Variants in KAZN observed in about 807,000 individuals in gnomAD.
KAZN encodes kazrin.
A neutral mutation model predicts 87.4 loss-of-function variants in KAZN; 40 were observed. That is an observed-to-expected ratio of 0.46 (90% confidence interval 0.36 to 0.60). The LOEUF (loss-of-function observed/expected upper bound fraction) is 0.60. Ranked by LOEUF, KAZN falls within the 20% of genes least tolerant of loss-of-function variation. The pLI is 0.00. For missense variants in KAZN, 898 were observed against 1,073.9 expected (o/e 0.84, Z 2.29); for synonymous variants, 466 against 458.3 (o/e 1.02, Z -0.22).
intron 1 of KAZN, among the ~76,000 whole-genome samples, chr1:14,717,080 G>A (rs1280060045): frequency 2.0e-5 from 3 of 150,046 alleles, no homozygotes; most frequent in African/African-American, 7.3e-5. Context: ...CTGGCCAGAT[G>A]TGAGCGCTCT....
intron 1 of KAZN, among the ~76,000 whole-genome samples, chr1:14,884,473 TTAAGAC>T (rs1206045673): frequency 6.6e-6 from 1 of 152,172 alleles, no homozygotes; most frequent in Non-Finnish European, 1.5e-5. Context: ...AAATCAGTGT[TTAAGAC>T]TATGCATATA....
intron 1 of KAZN, among the ~76,000 whole-genome samples, chr1:13,936,082 G>T (rs10399935): frequency 0.19 from 25,686 of 138,218 alleles, 2,723 homozygotes; most frequent in South Asian, 0.32. Flanking sequence ...ATAGATTTAG[G>T]TGGTACAAGT....
chr1:14,128,683 T>A (rs1215234353), intron 1 of KAZN, among the ~76,000 whole-genome samples: 1 of 152,102 alleles, frequency 6.6e-6, no homozygotes, highest in Non-Finnish European at 1.5e-5. Context: ...CATTATGAGA[T>A]ACTGGGGGTT....
chr1:14,760,482 A>G (rs1398486990), intron 1 of KAZN, among the ~76,000 whole-genome samples: 1 of 152,202 alleles, frequency 6.6e-6, no homozygotes, highest in East Asian at 1.9e-4. Flanking sequence ...GCCCAGTTTG[A>G]ACATGATTGG....
At chr1:14,134,189 C>T (rs892285342) in intron 1 of KAZN, among the ~76,000 whole-genome samples, 3 of 152,020 alleles carry the variant, frequency 2.0e-5, no homozygotes, top group African/African-American at 7.2e-5. Flanking sequence ...GCCTGGGTAA[C>T]AGAAAGTGGT....
At chr1:14,897,582 A>G (rs1377809258) in intron 1 of KAZN, among the ~76,000 whole-genome samples, 2 of 152,014 alleles carry the variant, frequency 1.3e-5, no homozygotes, top group African/African-American at 4.8e-5. Context: ...ACATGTTACT[A>G]TAAATAACAT....
Position 14,862,641 on chromosome 1 carries a change from C to G in KAZN, c.227-98043C>G, listed in dbSNP as rs149764975. Reference sequence around the variant, plus strand: ...AGCCTCCCAGACTGTACCTAGGATGCGAGCAGCCATTTTAACAAATGGTCA... The same window carrying G: ...AGCCTCCCAGACTGTACCTAGGATGGGAGCAGCCATTTTAACAAATGGTCA... On this transcript the variant is annotated intron_variant, in intron 1 of 14. Transcript: ENST00000376030. 5.7e-4 allele frequency among the ~76,000 whole-genome samples: 87 copies of G among 152,268 alleles called. 2 individuals carry two copies. In the South Asian group the frequency reaches 0.015, roughly 26 times the overall value.
intron 1 of KAZN, among the ~76,000 whole-genome samples, chr1:13,958,466 C>T (rs374822404): frequency 3.3e-5 from 5 of 149,962 alleles, no homozygotes; most frequent in Admixed American, 6.7e-5. Context: ...CCCAGCTATT[C>T]GGGAGGCTGA....
chr1:14,286,986 A>T (rs6429834), intron 2 of KAZN, among the ~76,000 whole-genome samples: 64,358 of 151,958 alleles, frequency 0.42, 14,641 homozygotes, highest in Non-Finnish European at 0.53. Flanking sequence ...TTGAGGGAAA[A>T]TTTAATTTGA....
intron 2 of KAZN, among the ~76,000 whole-genome samples, chr1:14,372,754 G>A (rs539406565): frequency 6.6e-6 from 1 of 152,306 alleles, no homozygotes; most frequent in East Asian, 1.9e-4. Flanking sequence ...AAGTGGCAAA[G>A]AAACTATGCA....
intron 2 of KAZN, among the ~76,000 whole-genome samples, chr1:14,219,010 C>A (rs1411998311): frequency 1.3e-5 from 2 of 151,782 alleles, no homozygotes; most frequent in East Asian, 1.9e-4. Context: ...AAAATTAAAC[C>A]CAATGATCAA....
rs1488665250 is a variant in KAZN at position 14,228,262 on chromosome 1, T to C, written c.249+47670T>C. Among the ~76,000 whole-genome samples, 4 of 152,198 alleles carry C rather than the reference T, an allele frequency of 2.6e-5. No individual in the cohort carries two copies. The East Asian group carries it at 7.7e-4, about 29-fold the overall frequency. On this transcript the variant is annotated intron_variant, in intron 2 of 16. Coordinates refer to the KAZN transcript ENST00000636203. ...CTTTGCCAGGGGCTCTATTATGTTA[T>C]GCACCATCTTACTTCAGGCTGACAA...
chr1:14,478,223 T>G (rs949368952), intron 2 of KAZN, among the ~76,000 whole-genome samples: 1 of 128,898 alleles, frequency 7.8e-6, no homozygotes, highest in Non-Finnish European at 1.6e-5. Flanking sequence ...GATGGATGGA[T>G]AGAAGGAAGG....
At position 14,979,911 on chromosome 1, in the gene KAZN, C is replaced by G. The variant is rs146144614; in HGVS notation, c.418+19036C>G. Among the ~76,000 whole-genome samples the G allele has an allele frequency of 5.8e-4, 88 of 152,266 alleles. 1 individual carries two copies. Among genetic ancestry groups the G allele is most frequent in the Admixed American group, 5.9e-4 (9 of 15,286 alleles). On this transcript the variant is annotated intron_variant, in intron 2 of 14. Coordinates refer to ENST00000376030, the MANE Select transcript of KAZN (RefSeq NM_201628.3). ...TTTTTAAATTTATTTACTTTTGAGACAGAGTCTCGCTCTGTTGCCCAGGCT... is the reference window on the plus strand; with the variant it reads ...TTTTTAAATTTATTTACTTTTGAGAGAGAGTCTCGCTCTGTTGCCCAGGCT...
intron 1 of KAZN, among the ~76,000 whole-genome samples, chr1:14,148,394 T>C (rs921813705): frequency 6.6e-6 from 1 of 152,242 alleles, no homozygotes; most frequent in African/African-American, 2.4e-5. Flanking sequence ...TGCCGGATGA[T>C]ACTCTCAAAT....
At chr1:14,114,547 G>T (rs1010219239) in intron 1 of KAZN, among the ~76,000 whole-genome samples, 1 of 151,704 alleles carries the variant, frequency 6.6e-6, no homozygotes, top group East Asian at 1.9e-4. Flanking sequence ...TATCCAGGCC[G>T]ACTGCCCCAC....
chr1:14,498,308 C>T (rs78128858), intron 2 of KAZN, among the ~76,000 whole-genome samples: 3,873 of 152,342 alleles, frequency 0.025, 173 homozygotes, highest in African/African-American at 0.088. Flanking sequence ...CAGACCCTTT[C>T]TCCAGCCTTC....
At chr1:14,791,745 G>A (rs960633240) in intron 1 of KAZN, among the ~76,000 whole-genome samples, 11 of 152,238 alleles carry the variant, frequency 7.2e-5, no homozygotes, top group Non-Finnish European at 1.5e-4. Flanking sequence ...GCAGAGAGCA[G>A]CTCCCGGCCT....
intron 1 of KAZN, among the ~76,000 whole-genome samples, chr1:14,908,874 G>T (rs1273796140): frequency 2.6e-5 from 4 of 151,854 alleles, no homozygotes; most frequent in African/African-American, 7.3e-5. Flanking sequence ...AATTAGCCAG[G>T]TGTGGTGGCA....
Sources: allele counts gnomAD v4.1 joint callset (sites outside exome capture counted in the v4.1 genomes callset), GRCh38; gene constraint gnomAD v4.1.1; transcripts MANE v1.5; gene names NCBI Gene and HGNC (gene_info 2026-07-23, HGNC 2026-07-21).